Variants in CLVS2 observed in about 807,000 individuals in gnomAD.
CLVS2 encodes clavesin 2.
CLVS2 carries 19 observed loss-of-function variants against 29.0 expected under a neutral mutation model. The ratio of observed to expected loss-of-function variants is 0.66; its 90% CI spans 0.46 to 0.96. The LOEUF is 0.96. Ranked by LOEUF, CLVS2 falls within the 40% of genes least tolerant of loss-of-function variation. The pLI, the probability that CLVS2 is intolerant of heterozygous loss-of-function variation, is 0.00. For synonymous variants in CLVS2, 161 were observed against 151.3 expected, an observed-to-expected ratio of 1.06 and a Z score of -0.47; for missense variants, 294 against 404.1, an observed-to-expected ratio of 0.73 and a Z score of 2.34.
chr6:123,036,761 T>C (rs1204248564), intron 3 of CLVS2, among the ~76,000 whole-genome samples: 1 of 152,186 alleles, frequency 6.6e-6, no homozygotes, highest in Admixed American at 6.6e-5. Context: ...GAAGAACATG[T>C]GCCTGAAACA....
intron 3 of CLVS2, among the ~76,000 whole-genome samples, chr6:123,042,684 A>G (rs1171246949): frequency 6.6e-6 from 1 of 152,192 alleles, no homozygotes; most frequent in African/African-American, 2.4e-5. Context: ...GGCAGAAGAC[A>G]CTGGTTGGAA....
intron 4 of CLVS2, among the ~76,000 whole-genome samples, chr6:123,049,386 T>C (rs185674391): frequency 6.6e-6 from 1 of 152,264 alleles, no homozygotes; most frequent in African/African-American, 2.4e-5. Flanking sequence ...ACTGAACACA[T>C]TATTTTTATT....
At chr6:123,055,530 G>A (rs1192946536) in intron 4 of CLVS2, among the ~76,000 whole-genome samples, 1 of 152,080 alleles carries the variant, frequency 6.6e-6, no homozygotes, top group East Asian at 1.9e-4. Flanking sequence ...CTATGAAGAA[G>A]GAAACCAAAT....
rs1423798524 is a variant in CLVS2, at chr6:123,045,686, G to A, written c.565-2936G>A. Among the ~76,000 whole-genome samples the A allele has an allele frequency of 3.9e-5, 6 of 152,216 alleles. No individual in the cohort carries two copies. In the East Asian group the frequency reaches 1.2e-3, roughly 29 times the overall value. On this transcript the variant is annotated intron_variant, in intron 3 of 5. Coordinates refer to ENST00000275162, the MANE Select transcript of CLVS2 (RefSeq NM_001010852.4). ...TGATGTGAGTGGAAATGGATTACAG[G>A]CCAGGCACCAATAGACCTACAGAAT...
chr6:123,038,880 T>C (rs1775190294), intron 3 of CLVS2, among the ~76,000 whole-genome samples: 1 of 152,226 alleles, frequency 6.6e-6, no homozygotes, highest in Non-Finnish European at 1.5e-5. Flanking sequence ...CAAAACATTT[T>C]GCCCAAATTA....
intron 3 of CLVS2, among the ~76,000 whole-genome samples, chr6:123,024,944 G>C (rs1774979855): frequency 6.6e-6 from 1 of 152,038 alleles, no homozygotes; most frequent in Non-Finnish European, 1.5e-5. Flanking sequence ...AAATTCAAAG[G>C]ATGAGGGCAG....
At position 123,053,004 on chromosome 6, in the gene CLVS2, G is replaced by C. The variant is rs535525539; in HGVS notation, c.676-2802G>C. On this transcript the variant is annotated intron_variant, in intron 4 of 5. Coordinates refer to ENST00000275162, the MANE Select transcript of CLVS2 (RefSeq NM_001010852.4). ...TCACCAATGAGAAAATATAGTTAAA[G>C]AAGAGAAAAAATCCAAAGACTGAGA... 1.4e-5 allele frequency among the ~76,000 whole-genome samples: 2 copies of C among 145,902 alleles called. 1 individual carries two copies. The highest frequency in any genetic ancestry group is 4.5e-4 in the South Asian group (2 of 4,408).
rs1406915225 is a variant in CLVS2 at position 123,069,387 on chromosome 6, A to C, written c.*5626A>C. On this transcript the variant is annotated 3_prime_UTR_variant, in exon 6 of 6. Transcript: ENST00000275162. ...AAAAATTCAGCCTGATTTGAGAAAG[A>C]ATGCTTACTCAATAAATATGTATTT... The C allele has an allele frequency of 6.6e-6, 1 of 151,832 alleles. No homozygotes were observed. Among genetic ancestry groups the C allele is most frequent in the Non-Finnish European group, 1.5e-5 (1 of 67,830 alleles). The allele number at this position is 151,832 out of a possible 1,614,324, so 9.4% of individuals were successfully genotyped here. A position where few individuals can be genotyped will look rare whatever the true frequency, so the allele number is the denominator to read the frequency against.
At position 123,027,645 on chromosome 6, in the gene CLVS2, C is replaced by A. The variant is rs139421890; in HGVS notation, c.564+16486C>A. Among the ~76,000 whole-genome samples, 67 of 152,216 alleles carry A rather than the reference C, an allele frequency of 4.4e-4. 4 individuals are homozygous for A. Among genetic ancestry groups the A allele is most frequent in the African/African-American group, 1.6e-3 (65 of 41,548 alleles). ...TCATTCTCTCTGGTCCACTGGTTTT[C>A]TCATCTTGTTTCTTCTGCATAGACT... On this transcript the variant is annotated intron_variant, in intron 3 of 5. Coordinates refer to ENST00000275162, the MANE Select transcript of CLVS2 (RefSeq NM_001010852.4).
intron 2 of CLVS2, among the ~76,000 whole-genome samples, chr6:123,002,586 T>TAATAAAATAAAATAA (rs150606484): frequency 0.54 from 77,400 of 143,894 alleles, 21,646 homozygotes; most frequent in East Asian, 0.82. Context: ...GTACTAAAAA[T>TAATAAAATAAAATAA]AATAAAATAA....
intron 3 of CLVS2, among the ~76,000 whole-genome samples, chr6:123,041,302 C>T (rs1361999140): frequency 6.6e-6 from 1 of 152,084 alleles, no homozygotes; most frequent in Non-Finnish European, 1.5e-5. Context: ...GCAGCCAAAT[C>T]CTTCTGCCTT....
intron 2 of CLVS2, among the ~76,000 whole-genome samples, chr6:123,003,548 A>T (rs1430603835): frequency 6.6e-6 from 1 of 151,526 alleles, no homozygotes; most frequent in Non-Finnish European, 1.5e-5. Context: ...CATATGACAA[A>T]CTGAGTGATT....
chr6:123,007,546 G>A (rs148694804), intron 2 of CLVS2, among the ~76,000 whole-genome samples: 307 of 152,242 alleles, frequency 2.0e-3, no homozygotes, highest in African/African-American at 7.1e-3. Flanking sequence ...GGTATTAGAT[G>A]TTTTCCTTCT....
At chr6:123,012,608 G>A (rs1357777699) in intron 3 of CLVS2, among the ~76,000 whole-genome samples, 2 of 151,890 alleles carry the variant, frequency 1.3e-5, no homozygotes, top group African/African-American at 2.4e-5. Flanking sequence ...TGACAATTTG[G>A]AGATGTTTGG....
At chr6:123,004,943 CAAAAAACAAAA>C (rs1562162272) in intron 2 of CLVS2, among the ~76,000 whole-genome samples, 91 of 62,168 alleles carry the variant, frequency 1.5e-3, no homozygotes, top group African/African-American at 6.7e-3. Flanking sequence ...AAAACAAAAA[CAAAAAACAAAA>C]AAAAAAAAAA....
At chr6:123,056,380 A>G (rs1427918115) in intron 5 of CLVS2, among the ~76,000 whole-genome samples, 1 of 151,994 alleles carries the variant, frequency 6.6e-6, no homozygotes, top group Non-Finnish European at 1.5e-5. Context: ...CCCCCAAACC[A>G]TCCTGCCTCA....
At chr6:123,039,507 T>G (rs937290136) in intron 3 of CLVS2, among the ~76,000 whole-genome samples, 2 of 152,168 alleles carry the variant, frequency 1.3e-5, no homozygotes. Context: ...GCTGTTGTGC[T>G]TGATTGAGAC....
In CLVS2 at chr6:123,063,674, A is replaced by C; in HGVS notation, c.897A>C (p.Arg299Ser). 5 of 1,597,212 alleles carry C rather than the reference A, an allele frequency of 3.1e-6. No homozygotes were observed. The highest frequency in any genetic ancestry group is 4.3e-6 in the Non-Finnish European group (5 of 1,166,726). Residue 299 changes from arginine to serine, a missense_variant and splice_region_variant, in exon 6 of 6, where the codon AGA (arginine) becomes AGC (serine). Around this residue, in one of 2 missense-constraint regions of CLVS2, gnomAD observed 82 missense variants for 67.8 expected, o/e 1.21. Transcript: ENST00000275162. The part of the protein sequence containing the change: ...EKELSPKSMK[R>S]SQSVVDPTVL... ...CTGACGTTGGCTTTATCCTTTCCAGATCTCAATCAGTAGTGGATCCTACAG... is the reference window on the plus strand; with the variant it reads ...CTGACGTTGGCTTTATCCTTTCCAGCTCTCAATCAGTAGTGGATCCTACAG...
chr6:123,032,397 T>G (rs1775094930), intron 3 of CLVS2, among the ~76,000 whole-genome samples: 1 of 152,142 alleles, frequency 6.6e-6, no homozygotes, highest in Non-Finnish European at 1.5e-5. Flanking sequence ...AAATACCTAT[T>G]TATAATGATA....
Sources: allele counts gnomAD v4.1 joint callset (sites outside exome capture counted in the v4.1 genomes callset), GRCh38; gene constraint gnomAD v4.1.1; regional missense constraint gnomAD v4.1.1; transcripts MANE v1.5; gene names NCBI Gene and HGNC (gene_info 2026-07-23, HGNC 2026-07-21).